MON2: variants seen among roughly 807,000 people sequenced by gnomAD.
The protein encoded by MON2 is MON2 regulator of endosome-to-Golgi trafficking.
In MON2, 84 loss-of-function variants were observed where a neutral mutation model predicts 208.6. The ratio of observed to expected loss-of-function variants is 0.40; its 90% confidence interval spans 0.34 to 0.48. The LOEUF (loss-of-function observed/expected upper bound fraction) is 0.48. Among genes scored for constraint, MON2 ranks in the 20% least tolerant of loss-of-function variants. The pLI, the probability that MON2 is intolerant of heterozygous loss-of-function variation, is 0.59. For missense variants in MON2, 1,611 were observed against 2,015.4 expected (o/e 0.80, Z 3.84); for synonymous variants, 660 against 694.0 (o/e 0.95, Z 0.77).
At chr12:62,484,362 A>G in intron 2 of MON2, 129 bp downstream of exon 2, 1 of 598,346 alleles carries the variant, frequency 1.7e-6, no homozygotes. Context: ...TGCTATTCAT[A>G]ATGAAACAGA....
chr12:62,565,297 T>G lies in MON2; in HGVS notation c.4093T>G (p.Leu1365Val). 6.2e-7 allele frequency: 1 copy of G among 1,613,286 alleles called. No individual in the cohort carries two copies. Among genetic ancestry groups the G allele is most frequent in the Non-Finnish European group, 8.5e-7 (1 of 1,179,420 alleles). The change falls in exon 27 of 35, where the codon TTG (leucine) becomes GTG (valine). Residue 1365 changes from leucine to valine, a missense_variant. Coordinates refer to ENST00000393630, the MANE Select transcript of MON2 (RefSeq NM_015026.3). ...IMYPAIFDQLLAFVEFSCKPP... is the reference protein window; with the variant it reads ...IMYPAIFDQLVAFVEFSCKPP... ...GTATCCAGCTATATTTGACCAGTTG[T>G]TGGCATTTGTAGAATTTTCCTGTAA...
At position 62,592,934 on chromosome 12, in the gene MON2, T is replaced by G. The variant is rs986821483; in HGVS notation, c.*185T>G. The G allele has an allele frequency of 1.9e-6, 1 of 518,894 alleles. No homozygotes were observed. The highest frequency in any genetic ancestry group is 3.1e-5 in the Admixed American group (1 of 32,088). The allele number at this position is 518,894 out of a possible 1,614,324, so 32.1% of individuals were successfully genotyped here. A position where few individuals can be genotyped will look rare whatever the true frequency, so the allele number is the denominator to read the frequency against. On this transcript the variant is annotated 3_prime_UTR_variant, in exon 35 of 35. Transcript: ENST00000393630. ...AGGCTTGCACATCAACAAAGGCTCC[T>G]GAATGAACAGCAGTGTAAGGCTTTA...
At chr12:62,509,597 C>A (rs1415115496) in intron 8 of MON2, among the ~76,000 whole-genome samples, 2 of 152,186 alleles carry the variant, frequency 1.3e-5, no homozygotes, top group African/African-American at 4.8e-5. Context: ...AATACACATT[C>A]TTTTCAAGTG....
chr12:62,502,755 T>C (rs1281414545), intron 7 of MON2, among the ~76,000 whole-genome samples: 2 of 152,200 alleles, frequency 1.3e-5, no homozygotes, highest in Non-Finnish European at 2.9e-5. Context: ...CCCTTAGTTA[T>C]TAGGTCTTGA....
chr12:62,495,298 A>T (rs753783050), intron 4 of MON2, 151 bp downstream of exon 4: 7 of 665,338 alleles, frequency 1.1e-5, no homozygotes, highest in Non-Finnish European at 1.6e-5. Flanking sequence ...AACTGTTGGT[A>T]CCTTATTTTT....
At chr12:62,582,580 T>C (rs961479062) in intron 32 of MON2, among the ~76,000 whole-genome samples, 1 of 152,208 alleles carries the variant, frequency 6.6e-6, no homozygotes, top group Non-Finnish European at 1.5e-5. Flanking sequence ...CAGTCAATAA[T>C]GTAAAAAAGA....
intron 8 of MON2, among the ~76,000 whole-genome samples, chr12:62,519,769 A>C (rs2071911324): frequency 6.6e-6 from 1 of 152,168 alleles, no homozygotes. Context: ...TTTAGATAAT[A>C]ATGGTGGATA....
chr12:62,488,997 A>T (rs2069954617), intron 2 of MON2, among the ~76,000 whole-genome samples: 1 of 152,150 alleles, frequency 6.6e-6, no homozygotes, highest in Non-Finnish European at 1.5e-5. Context: ...CTTAAACTAT[A>T]ATAAAGAAAA....
intron 1 of MON2, among the ~76,000 whole-genome samples, chr12:62,474,685 A>G (rs528783716): frequency 2.2e-4 from 33 of 152,146 alleles, no homozygotes; most frequent in Non-Finnish European, 4.3e-4. Flanking sequence ...CGGCCTCTCA[A>G]AGTGCTAGGA....
intron 19 of MON2, 69 bp downstream of exon 19, chr12:62,538,574 C>A: frequency 9.2e-7 from 1 of 1,091,580 alleles, no homozygotes; most frequent in South Asian, 1.3e-5. Flanking sequence ...CCATTATGAT[C>A]TTAGTGTTTT....
At chr12:62,520,829 A>AG (rs2071990691) in intron 8 of MON2, among the ~76,000 whole-genome samples, 1 of 147,408 alleles carries the variant, frequency 6.8e-6, no homozygotes, top group Non-Finnish European at 1.5e-5. Flanking sequence ...ATAAGATATT[A>AG]TATGTATAAT....
At chr12:62,538,607 TTGTA>T in intron 19 of MON2, 102 bp downstream of exon 19, 1 of 799,532 alleles carries the variant, frequency 1.3e-6, no homozygotes, top group Non-Finnish European at 2.0e-6. Flanking sequence ...AACACTCAGA[TTGTA>T]TGGTAACCAT....
chr12:62,511,655 A>T (rs2071404232), intron 8 of MON2, among the ~76,000 whole-genome samples: 1 of 152,248 alleles, frequency 6.6e-6, no homozygotes, highest in Admixed American at 6.5e-5. Context: ...AAACTAAAAA[A>T]TTCCTAAAAG....
intron 1 of MON2, among the ~76,000 whole-genome samples, chr12:62,480,234 G>T (rs755090325): frequency 3.3e-5 from 5 of 152,162 alleles, no homozygotes; most frequent in Non-Finnish European, 5.9e-5. Flanking sequence ...TACTGGTTAC[G>T]TATCTTTTAA....
chr12:62,552,496 G>C (rs188407618), intron 23 of MON2, among the ~76,000 whole-genome samples: 138 of 151,952 alleles, frequency 9.1e-4, no homozygotes, highest in African/African-American at 2.6e-3. Context: ...ACAATATTAA[G>C]GAATTGTTAA....
chr12:62,593,028 T>G lies in MON2; in HGVS notation c.*279T>G, dbSNP rs901858666. The G allele has an allele frequency of 2.4e-5, 6 of 248,668 alleles. No individual in the cohort carries two copies. Among genetic ancestry groups the G allele is most frequent in the African/African-American group, 1.3e-4 (6 of 45,632 alleles). 15.4% of individuals were successfully genotyped at this position (248,668 alleles called of 1,614,324 possible). A position where few individuals can be genotyped will look rare whatever the true frequency, so the allele number is the denominator to read the frequency against. On this transcript the variant is annotated 3_prime_UTR_variant, in exon 35 of 35. Transcript: ENST00000393630. Reference sequence around the variant, plus strand: ...ATGCTACCATATCTCCAGTTGGTGATTTAAAGTGAGCTTATGTACAGTTTG... The same window carrying G: ...ATGCTACCATATCTCCAGTTGGTGAGTTAAAGTGAGCTTATGTACAGTTTG...
chr12:62,496,218 A>G (rs1193789889), intron 4 of MON2, among the ~76,000 whole-genome samples: 1 of 151,944 alleles, frequency 6.6e-6, no homozygotes, highest in Admixed American at 6.5e-5. Context: ...ATATTTTTGT[A>G]TATCCTTTTG....
Position 62,512,139 on chromosome 12 carries a change from C to T in MON2, c.984+3659C>T, listed in dbSNP as rs576632498. Among the ~76,000 whole-genome samples the T allele has an allele frequency of 5.8e-4, 88 of 152,282 alleles. 1 individual carries two copies. The South Asian group carries it at 0.018, about 31-fold the overall frequency. ...AGATGAGATTTGGGTGGGGACACAACCAAACCATATCATTCCGCCCCTGGC... is the reference window on the plus strand; with the variant it reads ...AGATGAGATTTGGGTGGGGACACAATCAAACCATATCATTCCGCCCCTGGC... On this transcript the variant is annotated intron_variant, in intron 8 of 34. Transcript: ENST00000393630.
chr12:62,510,386 A>G (rs1248599302), intron 8 of MON2, among the ~76,000 whole-genome samples: 6 of 152,210 alleles, frequency 3.9e-5, no homozygotes, highest in African/African-American at 1.4e-4. Flanking sequence ...AAAATTCTCA[A>G]GAAAGTACAA....
Sources: allele counts gnomAD v4.1 joint callset (sites outside exome capture counted in the v4.1 genomes callset), GRCh38; gene constraint gnomAD v4.1.1; transcripts MANE v1.5; gene names NCBI Gene and HGNC (gene_info 2026-07-23, HGNC 2026-07-21).